Variants in PDS5B observed in about 807,000 individuals in gnomAD.
PDS5B encodes sister chromatid cohesion protein PDS5 homolog B.
In PDS5B, 51 loss-of-function variants were observed where a neutral mutation model predicts 184.1. The ratio of observed to expected loss-of-function variants is 0.28; its 90% CI spans 0.22 to 0.35. The LOEUF (loss-of-function observed/expected upper bound fraction) is 0.35. Ranked by LOEUF, PDS5B falls within the 10% of genes least tolerant of loss-of-function variation. The pLI is 1.00. For synonymous variants in PDS5B, 566 were observed against 569.2 expected (o/e 0.99, Z 0.08); for missense variants, 1,180 against 1,723.3 (o/e 0.68, Z 5.58).
intron 1 of PDS5B, among the ~76,000 whole-genome samples, chr13:32,635,030 C>T (rs2058519311): frequency 7.4e-6 from 1 of 135,376 alleles, no homozygotes; most frequent in Non-Finnish European, 1.6e-5. Flanking sequence ...TTTAAAGAGG[C>T]CGGGCCTTAC....
intron 19 of PDS5B, among the ~76,000 whole-genome samples, chr13:32,729,244 G>C (rs932630923): frequency 6.6e-6 from 1 of 152,114 alleles, no homozygotes; most frequent in Non-Finnish European, 1.5e-5. Context: ...ATGGTTTCCA[G>C]CTTCATCCAT....
chr13:32,601,887 A>G (rs1476947743), intron 1 of PDS5B, among the ~76,000 whole-genome samples: 1 of 152,226 alleles, frequency 6.6e-6, no homozygotes, highest in Non-Finnish European at 1.5e-5. Flanking sequence ...GTTATTTTGT[A>G]TTGCCAGCAC....
chr13:32,620,656 C>CA (rs376008300), intron 1 of PDS5B, among the ~76,000 whole-genome samples: 2,942 of 92,158 alleles, frequency 0.032, 93 homozygotes, highest in African/African-American at 0.1. Context: ...GACTCCGTCT[C>CA]AAAAAAAAAA....
chr13:32,635,443 A>G (rs2058533854), intron 1 of PDS5B, among the ~76,000 whole-genome samples: 1 of 149,424 alleles, frequency 6.7e-6, no homozygotes. Flanking sequence ...TCCCGGGTTC[A>G]AGTGATTCTC....
rs528782325 is a variant in PDS5B at position 32,668,608 on chromosome 13, T to C, written c.705+764T>C. Among the ~76,000 whole-genome samples, 5 of 152,288 alleles carry C rather than the reference T, an allele frequency of 3.3e-5. No homozygotes were observed. In the South Asian group the frequency reaches 1.0e-3, roughly 32 times the overall value. ...ATACAAATGTAGAGTACAGTGTTAA[T>C]GGTGGCCCTTGGAATTGTGTAACAG... is the stretch of plus-strand genomic sequence containing the variant. On this transcript the variant is annotated intron_variant, in intron 7 of 34. Transcript: ENST00000315596.
At chr13:32,655,464 C>T (rs373122831) in intron 3 of PDS5B, among the ~76,000 whole-genome samples, 5 of 146,566 alleles carry the variant, frequency 3.4e-5, no homozygotes, top group Admixed American at 7.0e-5. Flanking sequence ...CTGCAACCTC[C>T]GTTTCTCAGG....
chr13:32,633,153 G>C (rs2058484175), intron 1 of PDS5B, among the ~76,000 whole-genome samples: 3 of 152,138 alleles, frequency 2.0e-5, no homozygotes, highest in Non-Finnish European at 4.4e-5. Flanking sequence ...CCAGGGGCTG[G>C]GGAAAACAGG....
At chr13:32,715,691 G>A (rs1952366217) in intron 19 of PDS5B, among the ~76,000 whole-genome samples, 1 of 151,534 alleles carries the variant, frequency 6.6e-6, no homozygotes, top group Admixed American at 6.6e-5. Context: ...TCTTTCCACG[G>A]TCTCCCTCTG....
At chr13:32,611,562 C>T (rs2058143303) in intron 1 of PDS5B, among the ~76,000 whole-genome samples, 1 of 147,102 alleles carries the variant, frequency 6.8e-6, no homozygotes, top group Non-Finnish European at 1.5e-5. Flanking sequence ...GACTGGAGTC[C>T]AGTGGCATGA....
chr13:32,679,884 A>AGTGTGT (rs34635708), intron 10 of PDS5B, among the ~76,000 whole-genome samples: 61 of 143,728 alleles, frequency 4.2e-4, no homozygotes, highest in Middle Eastern at 3.6e-3. Flanking sequence ...TTCGTCTGTG[A>AGTGTGT]GTGTGTGTGT....
chr13:32,605,661 T>C (rs1426090949), intron 1 of PDS5B, among the ~76,000 whole-genome samples: 6 of 152,062 alleles, frequency 3.9e-5, no homozygotes, highest in African/African-American at 1.4e-4. Context: ...CTAATATCGA[T>C]AGTGGGGTGT....
rs111952553 is a variant in PDS5B, at chr13:32,597,189, A to G, written c.-20+10596A>G. Among the ~76,000 whole-genome samples the G allele has an allele frequency of 9.0e-3, 1,355 of 150,308 alleles. 23 individuals are homozygous for G. The highest frequency in any genetic ancestry group is 0.031 in the African/African-American group (1,277 of 40,864). On this transcript the variant is annotated intron_variant, in intron 1 of 34. Coordinates refer to ENST00000315596, the MANE Select transcript of PDS5B (RefSeq NM_015032.4). ...GCTGGGTCTACAGATACGTGCCACC[A>G]TGGCTGGCTCATTTTTTTTTTTTTT...
chr13:32,746,120 C>G lies in PDS5B; in HGVS notation c.2736+20C>G. On this transcript the variant is annotated intron_variant, in intron 24 of 34. Coordinates refer to ENST00000315596, the MANE Select transcript of PDS5B (RefSeq NM_015032.4). ...ATCAACGTAAGGAAATGGCTGTGTA[C>G]AACTACTTTTTGAAGGTCTTTGACT... 6.3e-7 allele frequency: 1 copy of G among 1,598,178 alleles called. No homozygotes were observed. Among genetic ancestry groups the G allele is most frequent in the Non-Finnish European group, 8.5e-7 (1 of 1,169,850 alleles).
At chr13:32,653,363 G>C (rs1950419312) in intron 3 of PDS5B, among the ~76,000 whole-genome samples, 1 of 152,132 alleles carries the variant, frequency 6.6e-6, no homozygotes, top group Admixed American at 6.6e-5. Flanking sequence ...TTAATCCACA[G>C]TGTGAAAAAA....
At chr13:32,606,357 T>C (rs1419077639) in intron 1 of PDS5B, among the ~76,000 whole-genome samples, 1 of 152,204 alleles carries the variant, frequency 6.6e-6, no homozygotes, top group East Asian at 1.9e-4. Flanking sequence ...AAATTCTGGG[T>C]TGAAAATTCT....
intron 3 of PDS5B, among the ~76,000 whole-genome samples, chr13:32,655,362 A>ATATATATATATG (rs1162395753): frequency 3.8e-3 from 106 of 27,656 alleles, no homozygotes; most frequent in African/African-American, 0.012. Context: ...TCTTTGCCAT[A>ATATATATATATG]TATATATATA....
chr13:32,725,950 G>C (rs1317188183), intron 19 of PDS5B, among the ~76,000 whole-genome samples: 1 of 151,806 alleles, frequency 6.6e-6, no homozygotes, highest in Non-Finnish European at 1.5e-5. Flanking sequence ...TCTTTGGGTG[G>C]TTATGCTAGC....
At chr13:32,707,464 C>G (rs923213908) in intron 18 of PDS5B, among the ~76,000 whole-genome samples, 22 of 151,608 alleles carry the variant, frequency 1.5e-4, no homozygotes, top group African/African-American at 5.3e-4. Context: ...CATACATAAA[C>G]ATTAGTTTCT....
intron 1 of PDS5B, among the ~76,000 whole-genome samples, chr13:32,604,735 T>G (rs1172444197): frequency 1.1e-4 from 16 of 150,776 alleles, no homozygotes; most frequent in African/African-American, 2.2e-4. Flanking sequence ...CTATTAATTA[T>G]TGCCTCAATT....
Sources: gnomAD v4.1 joint callset for allele counts (sites outside exome capture counted in the v4.1 genomes callset) on GRCh38, gnomAD v4.1.1 for gene constraint, MANE v1.5 for transcripts, NCBI Gene and HGNC (gene_info 2026-07-23, HGNC 2026-07-21) for gene names.